CACNA2D3: variants seen among roughly 807,000 people sequenced by gnomAD.
CACNA2D3 encodes calcium voltage-gated channel auxiliary subunit alpha2delta 3, also known as voltage-dependent calcium channel subunit alpha-2/delta-3.
Under a neutral mutation model 160.6 loss-of-function variants are expected in CACNA2D3, and 60 were observed. That is an observed-to-expected ratio of 0.37 (90% CI 0.30 to 0.46). The LOEUF is 0.46. Ranked by LOEUF, CACNA2D3 falls within the 20% of genes least tolerant of loss-of-function variation. The pLI is 1.00. For synonymous variants in CACNA2D3, 558 were observed against 492.9 expected (o/e 1.13, Z -1.75); for missense variants, 1,205 against 1,365.0 (o/e 0.88, Z 1.85).
intron 4 of CACNA2D3, among the ~76,000 whole-genome samples, chr3:54,414,335 T>C (rs1413870988): frequency 6.6e-6 from 1 of 152,066 alleles, no homozygotes; most frequent in Non-Finnish European, 1.5e-5. Flanking sequence ...GACAGCTTAA[T>C]TGTATTAGTA....
rs186630114 is a variant in CACNA2D3, at chr3:54,283,785, G to A, written c.205-36657G>A. ...TGTGTAGATAGAGGAAGAGGCTGCTGATTTTTTTTAAACTACTCCTCTGTC... is the reference window on the plus strand; with the variant it reads ...TGTGTAGATAGAGGAAGAGGCTGCTAATTTTTTTTAAACTACTCCTCTGTC... On this transcript the variant is annotated intron_variant, in intron 2 of 37. Coordinates refer to ENST00000474759, the MANE Select transcript of CACNA2D3 (RefSeq NM_018398.3). 1.6e-3 allele frequency among the ~76,000 whole-genome samples: 235 copies of A among 143,420 alleles called. 1 individual carries two copies. Among genetic ancestry groups the A allele is most frequent in the Non-Finnish European group, 5.3e-4 (34 of 64,456 alleles). 94.1% of individuals were successfully genotyped at this position (143,420 alleles called of 152,430 possible). A position where few individuals can be genotyped will look rare whatever the true frequency, so the allele number is the denominator to read the frequency against.
intron 5 of CACNA2D3, among the ~76,000 whole-genome samples, chr3:54,550,249 G>A (rs559392080): frequency 6.6e-5 from 10 of 152,214 alleles, no homozygotes; most frequent in East Asian, 3.9e-4. Flanking sequence ...TGCATCGCCC[G>A]TCCCCTGCAT....
chr3:54,318,239 T>C (rs1703911995), intron 2 of CACNA2D3, among the ~76,000 whole-genome samples: 1 of 151,884 alleles, frequency 6.6e-6, no homozygotes, highest in Non-Finnish European at 1.5e-5. Context: ...GGTTTTGGGG[T>C]CTGGGATGGA....
chr3:54,330,312 A>T (rs1330547230), intron 3 of CACNA2D3, among the ~76,000 whole-genome samples: 2 of 151,794 alleles, frequency 1.3e-5, no homozygotes, highest in African/African-American at 4.8e-5. Context: ...CACTGCACCC[A>T]GTGACTCTGG....
At chr3:54,299,740 G>A (rs924660542) in intron 2 of CACNA2D3, among the ~76,000 whole-genome samples, 2 of 152,146 alleles carry the variant, frequency 1.3e-5, no homozygotes, top group African/African-American at 4.8e-5. Flanking sequence ...AGCGTCCCCC[G>A]GGGAAAAGGA....
chr3:54,568,970 A>G (rs1206681633), intron 6 of CACNA2D3, among the ~76,000 whole-genome samples: 1 of 152,218 alleles, frequency 6.6e-6, no homozygotes, highest in African/African-American at 2.4e-5. Context: ...TGCGAAAACG[A>G]TATTTCTGTT....
intron 27 of CACNA2D3, among the ~76,000 whole-genome samples, chr3:54,916,935 G>A (rs970593437): frequency 6.6e-6 from 1 of 152,208 alleles, no homozygotes; most frequent in Non-Finnish European, 1.5e-5. Context: ...CTGTGGTGCT[G>A]AGCTAGGAAG....
intron 27 of CACNA2D3, among the ~76,000 whole-genome samples, chr3:54,965,068 A>G (rs910393352): frequency 6.6e-6 from 1 of 152,180 alleles, no homozygotes; most frequent in Admixed American, 6.5e-5. Flanking sequence ...TTTTTCTGTA[A>G]AGGACCAATA....
At chr3:54,881,589 C>T (rs559989012) in intron 21 of CACNA2D3, among the ~76,000 whole-genome samples, 10 of 152,314 alleles carry the variant, frequency 6.6e-5, no homozygotes, top group African/African-American at 2.4e-4. Flanking sequence ...GCATTAGGAG[C>T]TCACAGGGGT....
intron 2 of CACNA2D3, among the ~76,000 whole-genome samples, chr3:54,174,564 G>A (rs533180330): frequency 4.0e-5 from 6 of 149,274 alleles, no homozygotes; most frequent in African/African-American, 9.8e-5. Context: ...TCGCTCTGTC[G>A]CCCAGGCTGG....
chr3:54,320,023 G>A (rs929562653), intron 2 of CACNA2D3, among the ~76,000 whole-genome samples: 1 of 152,168 alleles, frequency 6.6e-6, no homozygotes, highest in South Asian at 2.1e-4. Context: ...CATGGACCCT[G>A]AAAGGGTCTC....
At chr3:54,550,666 C>T (rs1347322835) in intron 5 of CACNA2D3, among the ~76,000 whole-genome samples, 1 of 152,194 alleles carries the variant, frequency 6.6e-6, no homozygotes, top group Non-Finnish European at 1.5e-5. Flanking sequence ...ACACGTTTCC[C>T]TGTTGCAGTC....
chr3:54,314,122 G>A (rs1703809750), intron 2 of CACNA2D3, among the ~76,000 whole-genome samples: 1 of 152,014 alleles, frequency 6.6e-6, no homozygotes. Context: ...CATCCTCATA[G>A]TTAGGTACCA....
intron 27 of CACNA2D3, among the ~76,000 whole-genome samples, chr3:54,934,304 A>G (rs990901578): frequency 6.6e-6 from 1 of 152,218 alleles, no homozygotes; most frequent in South Asian, 2.1e-4. Flanking sequence ...GCTCTGACTC[A>G]GGAGGTGAGA....
intron 12 of CACNA2D3, among the ~76,000 whole-genome samples, chr3:54,757,408 A>C (rs964774849): frequency 1.3e-5 from 2 of 152,178 alleles, no homozygotes; most frequent in African/African-American, 4.8e-5. Flanking sequence ...TTTTTCAATA[A>C]AAAGATTCTT....
intron 11 of CACNA2D3, among the ~76,000 whole-genome samples, chr3:54,709,717 T>C (rs1048376910): frequency 1.3e-5 from 2 of 152,116 alleles, no homozygotes; most frequent in Non-Finnish European, 2.9e-5. Context: ...TTGTGACCAG[T>C]AGTTCAAGAC....
chr3:54,236,953 G>C (rs934515111), intron 2 of CACNA2D3, among the ~76,000 whole-genome samples: 1 of 151,712 alleles, frequency 6.6e-6, no homozygotes, highest in Non-Finnish European at 1.5e-5. Flanking sequence ...CAGCACAGTA[G>C]TTGGTACTCA....
intron 2 of CACNA2D3, among the ~76,000 whole-genome samples, chr3:54,139,337 G>A (rs1430687267): frequency 2.6e-5 from 4 of 152,248 alleles, no homozygotes; most frequent in Non-Finnish European, 2.9e-5. Context: ...TCCCCACCTC[G>A]GGGTGCTGTC....
At chr3:54,141,575 T>A (rs1326136539) in intron 2 of CACNA2D3, among the ~76,000 whole-genome samples, 1 of 152,184 alleles carries the variant, frequency 6.6e-6, no homozygotes. Context: ...TATTCTTTTT[T>A]AAAAAGTCCT....
Sources: gnomAD v4.1 joint callset for allele counts (sites outside exome capture counted in the v4.1 genomes callset) on GRCh38, gnomAD v4.1.1 for gene constraint, MANE v1.5 for transcripts, NCBI Gene and HGNC (gene_info 2026-07-23, HGNC 2026-07-21) for gene names.